NOMO2: variants seen among roughly 807,000 people sequenced by gnomAD.
NOMO2 encodes BOS complex subunit NOMO2.
In NOMO2, 14 loss-of-function variants were observed where a neutral mutation model predicts 67.1. The ratio of observed to expected loss-of-function variants is 0.21; its 90% confidence interval spans 0.14 to 0.33. The LOEUF (loss-of-function observed/expected upper bound fraction) is 0.33, where lower values mean the gene tolerates loss of function less well. Ranked by LOEUF, NOMO2 falls within the 10% of genes least tolerant of loss-of-function variation. The pLI, the probability that NOMO2 is intolerant of heterozygous loss-of-function variation, is 1.00. For synonymous variants in NOMO2, 80 were observed against 305.9 expected, an observed-to-expected ratio of 0.26 and a Z score of 7.71; for missense variants, 178 against 761.0, an observed-to-expected ratio of 0.23 and a Z score of 9.01.
At chr16:18,559,063 C>T (rs1454822261) in intron 1 of NOMO2, among the ~76,000 whole-genome samples, 6 of 151,450 alleles carry the variant, frequency 4.0e-5, no homozygotes, top group South Asian at 2.1e-4. Flanking sequence ...CTCAGGAGGC[C>T]GAGGCAGGAG....
chr16:18,526,440 C>T (rs1278264484), intron 16 of NOMO2, among the ~76,000 whole-genome samples: 6 of 151,894 alleles, frequency 4.0e-5, no homozygotes, highest in African/African-American at 1.4e-4. Context: ...AAAATGAAAA[C>T]ATACGGACAC....
chr16:18,530,666 G>A (rs1901275811), intron 14 of NOMO2, among the ~76,000 whole-genome samples: 1 of 147,738 alleles, frequency 6.8e-6, no homozygotes, highest in African/African-American at 2.5e-5. Context: ...TGGGAAAACT[G>A]AGTTTCAGGG....
intron 2 of NOMO2, among the ~76,000 whole-genome samples, chr16:18,555,609 G>A (rs1038816081): frequency 6.6e-6 from 1 of 151,626 alleles, no homozygotes; most frequent in Non-Finnish European, 1.5e-5. Flanking sequence ...CTTTGTTTCT[G>A]TTTTAGTTTT....
At chr16:18,543,901 CTTCTT>C in intron 6 of NOMO2, 132 bp from the exon 7 acceptor site, 1 of 787,788 alleles carries the variant, frequency 1.3e-6, no homozygotes, top group African/African-American at 1.7e-5. Context: ...AGTATGATCA[CTTCTT>C]TTCTTGAGAC....
At chr16:18,504,940 GA>G (rs1901008205) in intron 29 of NOMO2, among the ~76,000 whole-genome samples, 1 of 58,316 alleles carries the variant, frequency 1.7e-5, no homozygotes, top group African/African-American at 7.9e-5. Flanking sequence ...CTCTGTTGGG[GA>G]AAAAAGGGTA....
Position 18,547,599 on chromosome 16 carries a change from AG to A in NOMO2, c.510-300del, listed in dbSNP as rs559717138. On this transcript the variant is annotated intron_variant, in intron 5 of 30. Coordinates refer to ENST00000622306, the MANE Select transcript of NOMO2 (RefSeq NM_173614.4). Reference sequence around the variant, plus strand: ...ATAAAACCAATCCTTGTAGCACAGCAGGGACCAGTCACAGAACATTCGACTG... The same window carrying A: ...ATAAAACCAATCCTTGTAGCACAGCAGGACCAGTCACAGAACATTCGACTG... 2.0e-4 allele frequency among the ~76,000 whole-genome samples: 31 copies of A among 152,130 alleles called. 1 individual carries two copies. The East Asian group carries it at 6.0e-3, about 29-fold the overall frequency.
At chr16:18,539,944 C>G (rs998135677) in intron 9 of NOMO2, among the ~76,000 whole-genome samples, 7 of 151,860 alleles carry the variant, frequency 4.6e-5, no homozygotes, top group Admixed American at 3.9e-4. Context: ...CACTGCTAAC[C>G]CATTTTAGTA....
intron 15 of NOMO2, 79 bp downstream of exon 15, chr16:18,529,422 A>G (rs778661318): frequency 6.2e-6 from 10 of 1,611,384 alleles, no homozygotes; most frequent in Non-Finnish European, 8.5e-6. Flanking sequence ...CGTTTACAAT[A>G]TTCCTGGGAT....
intron 15 of NOMO2, 50 bp downstream of exon 15, chr16:18,529,451 C>T (rs1468153826): frequency 1.9e-6 from 3 of 1,611,512 alleles, no homozygotes; most frequent in Non-Finnish European, 2.5e-6. Flanking sequence ...TTCTTGACAT[C>T]CACAAGGCGA....
chr16:18,551,097 C>T (rs956046161), intron 4 of NOMO2, among the ~76,000 whole-genome samples: 1 of 151,638 alleles, frequency 6.6e-6, no homozygotes, highest in African/African-American at 2.4e-5. Flanking sequence ...TCACTTGAAC[C>T]TGGGAGGTGG....
At chr16:18,527,971 C>T in intron 15 of NOMO2, 1 of 507,414 alleles carries the variant, frequency 2.0e-6, no homozygotes, top group South Asian at 1.5e-5. Context: ...AGTAACGAAG[C>T]TGTGAAAATA....
rs144839981 is a variant in NOMO2 at position 18,538,528 on chromosome 16, T to G, written c.1218A>C (p.Thr406=). 5.0e-6 allele frequency: 8 copies of G among 1,613,492 alleles called. No individual in the cohort carries two copies. Among genetic ancestry groups the G allele is most frequent in the Non-Finnish European group, 6.8e-6 (8 of 1,179,778 alleles). The change falls in exon 11 of 31, where the codon ACA becomes ACC. Residue 406 remains threonine (T), a splice_region_variant and synonymous_variant. Transcript: ENST00000622306. ...CCAAATCCACACGATAAGCTTACCCTGTTGCAACAATGTCAGCCAGCTGAG... is the reference window on the plus strand; with the variant it reads ...CCAAATCCACACGATAAGCTTACCCGGTTGCAACAATGTCAGCCAGCTGAG... ...NTPQLADIVA[T]GFSVCGRISI...
At chr16:18,560,755 T>A (rs1444000866) in intron 1 of NOMO2, among the ~76,000 whole-genome samples, 1 of 151,698 alleles carries the variant, frequency 6.6e-6, no homozygotes, top group Non-Finnish European at 1.5e-5. Context: ...CAAGGGCAGG[T>A]CGCAGAGCTG....
At chr16:18,526,243 G>A (rs1442322976) in intron 16 of NOMO2, among the ~76,000 whole-genome samples, 1 of 152,114 alleles carries the variant, frequency 6.6e-6, no homozygotes, top group Non-Finnish European at 1.5e-5. Context: ...CTACCAAGAT[G>A]ACTATAATAA....
rs1458446338 is a variant in NOMO2 at position 18,533,028 on chromosome 16, T to A, written c.1372A>T (p.Lys458Ter). The A allele has an allele frequency of 6.2e-7, 1 of 1,606,446 alleles. No homozygotes were observed. The highest frequency in any genetic ancestry group is 8.5e-7 in the Non-Finnish European group (1 of 1,177,528). The stretch of plus-strand genomic sequence containing the variant: ...ACCTGCACTTTGTAAGTCCCTGGTT[T>A]TGCTTTAAAACAAAATGATCCATGA... ...DAHGSFCFKA[K>*]PGTYKVQVMV... Residue 458 changes from lysine (K) to a stop codon, truncating the protein, a stop_gained, in exon 12 of 31, where the codon AAA becomes TAA. Transcript: ENST00000622306. LOFTEE classifies it high-confidence loss of function.
rs2141721061 is a variant in NOMO2, at chr16:18,531,494, T to C, written c.1509A>G (p.Ala503=). The part of the protein sequence containing the change: ...VMDVAFVQFL[A]SVSGKVSCLD... ...AACAAGAGACTTTCCCAGAAACTGA[T>C]GCCAAGAACTGTACAAAGGCCACAT... Residue 503 remains alanine (A), a synonymous_variant, in exon 13 of 31, where the codon GCA becomes GCG. Coordinates refer to ENST00000622306, the MANE Select transcript of NOMO2 (RefSeq NM_173614.4). 6.2e-7 allele frequency: 1 copy of C among 1,610,374 alleles called. No individual in the cohort carries two copies. The highest frequency in any genetic ancestry group is 8.5e-7 in the Non-Finnish European group (1 of 1,178,684).
chr16:18,558,824 C>G, intron 1 of NOMO2: 1 of 455,562 alleles, frequency 2.2e-6, no homozygotes, highest in Non-Finnish European at 4.4e-6. Flanking sequence ...TGTGGTTGTA[C>G]AGATTCACAT....
intron 15 of NOMO2, chr16:18,527,956 T>C: frequency 1.9e-6 from 1 of 521,954 alleles, no homozygotes; most frequent in Non-Finnish European, 3.8e-6. Context: ...TGATCTCAAC[T>C]GGTCAGTAAC....
chr16:18,535,709 T>G (rs1477789796), intron 11 of NOMO2, among the ~76,000 whole-genome samples: 1 of 151,918 alleles, frequency 6.6e-6, no homozygotes, highest in Non-Finnish European at 1.5e-5. Flanking sequence ...CACCATGGCT[T>G]TCCTCCAATC....
Sources: allele counts gnomAD v4.1 joint callset (sites outside exome capture counted in the v4.1 genomes callset), GRCh38; gene constraint gnomAD v4.1.1; transcripts MANE v1.5; gene names NCBI Gene and HGNC (gene_info 2026-07-23, HGNC 2026-07-21).